Variants in CELF4 observed in about 807,000 individuals in gnomAD.
The protein encoded by CELF4 is CUG-BP- and ETR-3-like factor 4.
A neutral mutation model predicts 59.9 loss-of-function variants in CELF4; 18 were observed. The observed-to-expected ratio is 0.30, with a 90% CI of 0.21 to 0.45. The LOEUF is 0.45. Ranked by LOEUF, CELF4 falls within the 20% of genes least tolerant of loss-of-function variation. The pLI, the probability that CELF4 is intolerant of heterozygous loss-of-function variation, is 1.00. For synonymous variants in CELF4, 261 were observed against 267.1 expected (o/e 0.98, Z 0.22); for missense variants, 456 against 689.0 (o/e 0.66, Z 3.79).
At chr18:37,308,291 G>A (rs546987089) in intron 3 of CELF4, among the ~76,000 whole-genome samples, 7 of 150,854 alleles carry the variant, frequency 4.6e-5, no homozygotes, top group African/African-American at 1.5e-4. Flanking sequence ...TTTGCCTGGC[G>A]TTCCCTGAAA....
chr18:37,392,125 G>T (rs1362440260), intron 2 of CELF4, among the ~76,000 whole-genome samples: 1 of 152,212 alleles, frequency 6.6e-6, no homozygotes, highest in Non-Finnish European at 1.5e-5. Context: ...ACCCATATCT[G>T]CTCATCACTG....
chr18:37,346,000 T>C (rs1296938488), intron 2 of CELF4, among the ~76,000 whole-genome samples: 3 of 152,152 alleles, frequency 2.0e-5, no homozygotes, highest in African/African-American at 7.2e-5. Context: ...ATATACTTAA[T>C]TACTAGTAAT....
chr18:37,253,661 G>T lies in CELF4; in HGVS notation c.*44+106C>A. 1 of 826,448 alleles carries T rather than the reference G, an allele frequency of 1.2e-6. No homozygotes were observed. Among genetic ancestry groups the T allele is most frequent in the Non-Finnish European group, 1.8e-6 (1 of 568,862 alleles). 51.2% of individuals were successfully genotyped at this position (826,448 alleles called of 1,614,324 possible). ...GAGCAGGTTGAGCCGGGCGCAGCGG[G>T]TCCAAGGCACCAGTGAGGGTCCGGC... On this transcript the variant is annotated intron_variant, in intron 12 of 12. Coordinates refer to ENST00000420428, the MANE Select transcript of CELF4 (RefSeq NM_020180.4). The surrounding 1 kb of genome is among the most constrained non-coding windows in gnomAD (Gnocchi z 4.5).
chr18:37,357,223 G>A (rs1398733416), intron 2 of CELF4, among the ~76,000 whole-genome samples: 1 of 152,164 alleles, frequency 6.6e-6, no homozygotes, highest in Non-Finnish European at 1.5e-5. Flanking sequence ...CCAGGTAGAG[G>A]GAACAGCAAG....
chr18:37,273,331 C>T (rs182827348), intron 6 of CELF4, 168 bp from the exon 7 acceptor site: 3 of 1,416,682 alleles, frequency 2.1e-6, no homozygotes, highest in Middle Eastern at 2.5e-4. Context: ...TGTACCTCAA[C>T]AGCTATTAGA....
intron 2 of CELF4, among the ~76,000 whole-genome samples, chr18:37,379,380 A>C (rs1160934912): frequency 6.6e-6 from 1 of 152,038 alleles, no homozygotes; most frequent in African/African-American, 2.4e-5. Flanking sequence ...TACCTCATTA[A>C]GCTTAGCTTC....
chr18:37,481,422 T>G (rs534686267), intron 2 of CELF4, among the ~76,000 whole-genome samples: 1 of 152,282 alleles, frequency 6.6e-6, no homozygotes, highest in East Asian at 1.9e-4. Flanking sequence ...TGGTTTTCTC[T>G]CATCTGAGCA....
intron 2 of CELF4, among the ~76,000 whole-genome samples, chr18:37,375,765 C>T (rs976573632): frequency 2.0e-5 from 3 of 152,130 alleles, no homozygotes; most frequent in Admixed American, 6.5e-5. Context: ...AGCCGGCCTA[C>T]AGCCAACTCC....
chr18:37,342,710 G>A (rs573641093), intron 2 of CELF4, among the ~76,000 whole-genome samples: 1 of 152,228 alleles, frequency 6.6e-6, no homozygotes, highest in African/African-American at 2.4e-5. Context: ...GAACCTCCAT[G>A]CCTCCATGTG....
At chr18:37,316,177 T>C (rs73425298) in intron 3 of CELF4, among the ~76,000 whole-genome samples, 4,859 of 152,210 alleles carry the variant, frequency 0.032, 254 homozygotes, top group African/African-American at 0.11. Flanking sequence ...CATAGGACAC[T>C]GCAGCGCATG....
intron 2 of CELF4, among the ~76,000 whole-genome samples, chr18:37,404,203 G>A (rs1231523057): frequency 6.6e-6 from 1 of 152,172 alleles, no homozygotes; most frequent in Non-Finnish European, 1.5e-5. Flanking sequence ...AGAGGTTGAG[G>A]CACGTGACCT....
intron 3 of CELF4, among the ~76,000 whole-genome samples, chr18:37,280,297 G>A (rs868260783): frequency 6.6e-6 from 1 of 152,214 alleles, no homozygotes; most frequent in Non-Finnish European, 1.5e-5. Context: ...CCCTCTGGCT[G>A]CCCCTTCAGC....
chr18:37,365,622 A>T (rs971405474), intron 2 of CELF4, among the ~76,000 whole-genome samples: 1 of 150,152 alleles, frequency 6.7e-6, no homozygotes, highest in African/African-American at 2.5e-5. Flanking sequence ...AGTGGTTGGG[A>T]TTACAGGCAT....
chr18:37,436,098 C>T (rs536890052), intron 2 of CELF4, among the ~76,000 whole-genome samples: 8 of 152,278 alleles, frequency 5.3e-5, no homozygotes, highest in African/African-American at 1.7e-4. Context: ...AGTCCTTTCT[C>T]GGGCAGGCTG....
chr18:37,333,349 CTCTCCCTCT>C (rs1569565663), intron 2 of CELF4, among the ~76,000 whole-genome samples: 1 of 151,484 alleles, frequency 6.6e-6, no homozygotes. Context: ...CCTCTCCCCC[CTCTCCCTCT>C]TCCCCCTCCT....
At chr18:37,426,367 G>T (rs1234512049) in intron 2 of CELF4, among the ~76,000 whole-genome samples, 2 of 152,158 alleles carry the variant, frequency 1.3e-5, no homozygotes, top group Admixed American at 1.3e-4. Context: ...CCCCAGCTTT[G>T]GTCCTAGGAG....
In CELF4 at chr18:37,535,906, C is replaced by G. The variant is rs559699124; in HGVS notation, c.286+29450G>C. Among the ~76,000 whole-genome samples the G allele has an allele frequency of 9.9e-5, 15 of 152,224 alleles. No homozygotes were observed. The South Asian group carries it at 3.1e-3, about 32-fold the overall frequency. On this transcript the variant is annotated intron_variant, in intron 1 of 12. Transcript: ENST00000420428. ...TTTTGGGTTCCTCTAGTCTCGAGGG[C>G]CTTGTGGCTGAACAACAAATGTTAT...
At chr18:37,435,229 T>A (rs1216059108) in intron 2 of CELF4, among the ~76,000 whole-genome samples, 1 of 152,182 alleles carries the variant, frequency 6.6e-6, no homozygotes. Flanking sequence ...CCAGTTCTAC[T>A]TTCTCTGTGA....
chr18:37,356,083 G>A (rs142376743), intron 2 of CELF4, among the ~76,000 whole-genome samples: 174 of 152,256 alleles, frequency 1.1e-3, no homozygotes, highest in African/African-American at 3.8e-3. Context: ...CACTGAGGCC[G>A]TTTATTTTCT....
Sources: gnomAD v4.1 joint callset for allele counts (sites outside exome capture counted in the v4.1 genomes callset) on GRCh38, gnomAD v4.1.1 for gene constraint, Gnocchi (gnomAD v3.1) non-coding constraint, MANE v1.5 for transcripts, NCBI Gene and HGNC (gene_info 2026-07-23, HGNC 2026-07-21) for gene names.